Variants in GALNT17 observed in about 807,000 individuals in gnomAD.
GALNT17 encodes the protein UDP-GalNAc:polypeptide N-acetylgalactosaminyltransferase-like 3.
GALNT17 carries 29 observed loss-of-function variants against 63.7 expected under a neutral mutation model. The observed-to-expected ratio is 0.46, with a 90% CI of 0.34 to 0.62. GALNT17 has a LOEUF of 0.62. GALNT17 is among the 20% of genes least tolerant of loss of function. The probability of loss-of-function intolerance (pLI) is 0.01; values close to 1 mark genes in which losing one functional copy is unlikely to be tolerated. For missense variants in GALNT17, 603 were observed against 799.6 expected (o/e 0.75, Z 2.97); for synonymous variants, 305 against 318.3 (o/e 0.96, Z 0.45).
intron 9 of GALNT17, among the ~76,000 whole-genome samples, chr7:71,682,365 A>G (rs915327910): frequency 6.8e-6 from 1 of 146,958 alleles, no homozygotes; most frequent in Non-Finnish European, 1.5e-5. Flanking sequence ...TGTGATGCCT[A>G]CACCTCCAGA....
At chr7:71,475,443 A>G (rs1203677513) in intron 5 of GALNT17, among the ~76,000 whole-genome samples, 1 of 152,154 alleles carries the variant, frequency 6.6e-6, no homozygotes, top group African/African-American at 2.4e-5. Context: ...GGAGCGTGCA[A>G]CCTAGATCCC....
chr7:71,431,433 C>T (rs992695773), intron 5 of GALNT17, among the ~76,000 whole-genome samples: 8 of 152,068 alleles, frequency 5.3e-5, no homozygotes, highest in African/African-American at 9.7e-5. Context: ...TGGTCTCAAA[C>T]TCCTAACCTC....
At chr7:71,201,255 A>ATATATATATATATATATAAT (rs1307446666) in intron 1 of GALNT17, among the ~76,000 whole-genome samples, 1 of 149,548 alleles carries the variant, frequency 6.7e-6, no homozygotes, top group African/African-American at 2.5e-5. Context: ...ATATATATAT[A>ATATATATATATATATATAAT]TAATTTGTGT....
intron 5 of GALNT17, among the ~76,000 whole-genome samples, chr7:71,558,003 G>A (rs1483723973): frequency 6.6e-6 from 1 of 151,340 alleles, no homozygotes; most frequent in African/African-American, 2.4e-5. Flanking sequence ...GAACCCAGGA[G>A]GCAGAGATTG....
chr7:71,223,246 G>A (rs1789620046), intron 1 of GALNT17, among the ~76,000 whole-genome samples: 1 of 152,118 alleles, frequency 6.6e-6, no homozygotes, highest in Non-Finnish European at 1.5e-5. Context: ...GACGTTGCTG[G>A]CAGTCTAAGT....
intron 1 of GALNT17, among the ~76,000 whole-genome samples, chr7:71,156,747 G>C (rs1335475512): frequency 3.0e-5 from 4 of 132,778 alleles, no homozygotes; most frequent in Non-Finnish European, 6.2e-5. Context: ...CTCTTGCTCT[G>C]TTGCCCAGGC....
chr7:71,426,865 G>A (rs2116472415), intron 5 of GALNT17, among the ~76,000 whole-genome samples: 1 of 151,588 alleles, frequency 6.6e-6, no homozygotes, highest in East Asian at 2.0e-4. Context: ...GTTGCAGTGA[G>A]CCAAGATCAT....
chr7:71,157,261 A>C (rs764249148), intron 1 of GALNT17, among the ~76,000 whole-genome samples: 1 of 151,974 alleles, frequency 6.6e-6, no homozygotes, highest in Non-Finnish European at 1.5e-5. Flanking sequence ...AAAAATGTTG[A>C]GTTGTCATAA....
At chr7:71,563,584 T>C (rs917207673) in intron 5 of GALNT17, among the ~76,000 whole-genome samples, 1 of 152,122 alleles carries the variant, frequency 6.6e-6, no homozygotes, top group African/African-American at 2.4e-5. Context: ...TATGTCTTTT[T>C]TTTTTCTTTT....
intron 1 of GALNT17, among the ~76,000 whole-genome samples, chr7:71,159,705 C>G (rs960316): frequency 0.11 from 15,969 of 148,624 alleles, 1,413 homozygotes; most frequent in African/African-American, 0.22. Flanking sequence ...ATGCCTGGGG[C>G]ATCTGCTGTC....
At chr7:71,581,244 C>G (rs1403749977) in intron 6 of GALNT17, among the ~76,000 whole-genome samples, 1 of 152,198 alleles carries the variant, frequency 6.6e-6, no homozygotes, top group African/African-American at 2.4e-5. Context: ...ACTATAACCT[C>G]CATCTCCTGG....
In GALNT17 at chr7:71,247,269, G is replaced by C. The variant is rs1351673324; in HGVS notation, c.239-88281G>C. Among the ~76,000 whole-genome samples the C allele has an allele frequency of 2.0e-5, 3 of 152,294 alleles. No individual in the cohort carries two copies. The East Asian group carries it at 5.8e-4, about 29-fold the overall frequency. On this transcript the variant is annotated intron_variant, in intron 1 of 10. Coordinates refer to ENST00000333538, the MANE Select transcript of GALNT17 (RefSeq NM_022479.3). ...AAGTACTGGAGAATGTTTTAAAATA[G>C]TACCATCATAGACAAAAATACTAAC...
chr7:71,424,509 G>A (rs4719122), intron 5 of GALNT17, among the ~76,000 whole-genome samples: 108,371 of 152,134 alleles, frequency 0.71, 38,900 homozygotes, highest in Admixed American at 0.74. Flanking sequence ...CATAAGTTAC[G>A]GTAATATTAA....
chr7:71,677,795 G>A (rs659872), intron 9 of GALNT17, among the ~76,000 whole-genome samples: 140,082 of 152,164 alleles, frequency 0.92, 65,484 homozygotes, highest in Non-Finnish European at 1. Flanking sequence ...GATTACAGGC[G>A]TGAGCCACCG....
At chr7:71,382,815 AATTT>A (rs1792871906) in intron 2 of GALNT17, among the ~76,000 whole-genome samples, 1 of 152,154 alleles carries the variant, frequency 6.6e-6, no homozygotes, top group African/African-American at 2.4e-5. Flanking sequence ...AGAGAGAATG[AATTT>A]ATTTATTTTT....
At chr7:71,530,181 C>T (rs1350449918) in intron 5 of GALNT17, among the ~76,000 whole-genome samples, 1 of 152,118 alleles carries the variant, frequency 6.6e-6, no homozygotes, top group Non-Finnish European at 1.5e-5. Context: ...GTCCTGGGTC[C>T]CTGCTGTCCC....
At chr7:71,670,537 A>G (rs1247406871) in intron 8 of GALNT17, among the ~76,000 whole-genome samples, 1 of 152,190 alleles carries the variant, frequency 6.6e-6, no homozygotes, top group African/African-American at 2.4e-5. Context: ...TGGTGTGATC[A>G]TATCACCTTT....
chr7:71,343,690 CTT>C (rs1026931190), intron 2 of GALNT17, among the ~76,000 whole-genome samples: 2 of 152,074 alleles, frequency 1.3e-5, no homozygotes, highest in African/African-American at 4.8e-5. Context: ...TTCTATGACT[CTT>C]TTATATTTCA....
intron 1 of GALNT17, among the ~76,000 whole-genome samples, chr7:71,222,871 G>C (rs752362220): frequency 1.3e-5 from 2 of 152,080 alleles, no homozygotes; most frequent in Non-Finnish European, 2.9e-5. Flanking sequence ...AGGAGTTCAA[G>C]GCCAGCCTGG....
Sources: allele counts gnomAD v4.1 joint callset (sites outside exome capture counted in the v4.1 genomes callset), GRCh38; gene constraint gnomAD v4.1.1; transcripts MANE v1.5; gene names NCBI Gene and HGNC (gene_info 2026-07-23, HGNC 2026-07-21).